Variants in ADD1 observed in about 807,000 individuals in gnomAD.
ADD1 encodes alpha-adducin.
In ADD1, 24 loss-of-function variants were observed where a neutral mutation model predicts 80.5. That is an observed-to-expected ratio of 0.30 (90% CI 0.22 to 0.42). The LOEUF is 0.42. Ranked by LOEUF, ADD1 falls within the 10% of genes least tolerant of loss-of-function variation. ADD1 has a pLI of 1.00. For missense variants in ADD1, 948 were observed against 1,019.0 expected (o/e 0.93, Z 0.95); for synonymous variants, 373 against 393.8 (o/e 0.95, Z 0.63).
chr4:2,905,376 T>A (rs1358524520), intron 10 of ADD1: 1 of 491,924 alleles, frequency 2.0e-6, no homozygotes, highest in African/African-American at 1.9e-5. Flanking sequence ...ATAATTTACA[T>A]GTATTAACCT....
chr4:2,908,849 G>A (rs1737509337), intron 12 of ADD1: 3 of 544,128 alleles, frequency 5.5e-6, no homozygotes, highest in East Asian at 6.4e-5. Flanking sequence ...GCATATGTGA[G>A]GGTGGCACAT....
chr4:2,909,968 CAAAA>C (rs35681850), intron 13 of ADD1, among the ~76,000 whole-genome samples: 1 of 119,786 alleles, frequency 8.3e-6, no homozygotes, highest in East Asian at 2.3e-4. Context: ...ATTTGTACCT[CAAAA>C]AAAAAAAAAA....
At chr4:2,909,199 C>T (rs34550139) in intron 12 of ADD1, 140 bp from the exon 13 acceptor site, 7,825 of 703,582 alleles carry the variant, frequency 0.011, 108 homozygotes, top group African/African-American at 0.046. Context: ...AGTGTCTGCA[C>T]GTCCTGCCAT....
At chr4:2,895,515 T>C (rs1310974881) in intron 6 of ADD1, among the ~76,000 whole-genome samples, 2 of 151,136 alleles carry the variant, frequency 1.3e-5, no homozygotes, top group African/African-American at 2.4e-5. Flanking sequence ...AAGGGAGAGG[T>C]TGAGGCCTAG....
Position 2,908,536 on chromosome 4 carries a change from G to A in ADD1, c.1630G>A (p.Asp544Asn). The A allele has an allele frequency of 6.2e-7, 1 of 1,614,236 alleles. No homozygotes were observed. Among genetic ancestry groups the A allele is most frequent in the Non-Finnish European group, 8.5e-7 (1 of 1,180,040 alleles). ...RNKIREQNLQDIKTAGPQSQV... is the reference protein window; with the variant it reads ...RNKIREQNLQNIKTAGPQSQV... Reference sequence around the variant, plus strand: ...TCAGATCCGAGAGCAGAATTTACAGGACATTAAGACGGCTGGCCCTCAGTC... The same window carrying A: ...TCAGATCCGAGAGCAGAATTTACAGAACATTAAGACGGCTGGCCCTCAGTC... Residue 544 changes from aspartate (D) to asparagine (N), a missense_variant, in exon 12 of 16, where the codon GAC becomes AAC. By Grantham distance (23) the Asp-to-Asn change is conservative. Coordinates refer to ENST00000683351, the MANE Select transcript of ADD1 (RefSeq NM_001354761.2).
rs1247312878 is a variant in ADD1 at position 2,868,308 on chromosome 4, T to C, written c.-20-7588T>C. Among the ~76,000 whole-genome samples, 5 of 152,280 alleles carry C rather than the reference T, an allele frequency of 3.3e-5. No homozygotes were observed. In the East Asian group the frequency reaches 9.7e-4, roughly 29 times the overall value. On this transcript the variant is annotated intron_variant, in intron 1 of 15. Transcript: ENST00000683351. Reference sequence around the variant, plus strand: ...TGGCTGGTGCTGCAGCCTTCCAGTATTGCAGGTTTCCAAGTGTTTGTAATG... The same window carrying C: ...TGGCTGGTGCTGCAGCCTTCCAGTACTGCAGGTTTCCAAGTGTTTGTAATG...
At chr4:2,902,918 C>T (rs1416511160) in intron 9 of ADD1, 3 of 151,508 alleles carry the variant, frequency 2.0e-5, no homozygotes, top group East Asian at 1.9e-4. Flanking sequence ...CCCAGCTATT[C>T]AGGAGGCTGA....
chr4:2,925,905 G>A (rs1473528863), intron 14 of ADD1, 109 bp from the exon 15 acceptor site: 1 of 819,354 alleles, frequency 1.2e-6, no homozygotes, highest in Non-Finnish European at 2.0e-6. Flanking sequence ...AGAGAGCCCT[G>A]CCTTCTCAGA....
Position 2,926,245 on chromosome 4 carries a change from C to G in ADD1, c.2047+133C>G. On this transcript the variant is annotated intron_variant, in intron 15 of 15. Coordinates refer to ENST00000683351, the MANE Select transcript of ADD1 (RefSeq NM_001354761.2). The surrounding 1 kb of genome is among the most constrained non-coding windows in gnomAD (Gnocchi z 5.0). ...TTGCATCAGCGCCAGGACGTGACAC[C>G]TTTCTCCTCCTATATTGCTTCTGTC... 1.3e-6 allele frequency: 1 copy of G among 797,878 alleles called. No individual in the cohort carries two copies. Among genetic ancestry groups the G allele is most frequent in the Non-Finnish European group, 2.2e-6 (1 of 459,742 alleles). The allele number at this position is 797,878 out of a possible 1,614,324, so 49.4% of individuals were successfully genotyped here. A position where few individuals can be genotyped will look rare whatever the true frequency, so the allele number is the denominator to read the frequency against.
At chr4:2,895,624 A>C (rs1355951652) in intron 6 of ADD1, among the ~76,000 whole-genome samples, 2 of 152,172 alleles carry the variant, frequency 1.3e-5, no homozygotes, top group East Asian at 3.9e-4. Flanking sequence ...AGACACAGGC[A>C]GTGCAGGCTG....
intron 1 of ADD1, among the ~76,000 whole-genome samples, chr4:2,860,677 T>C (rs1728709214): frequency 6.6e-6 from 1 of 152,244 alleles, no homozygotes; most frequent in Admixed American, 6.5e-5. Context: ...AGTTTTATTA[T>C]ACTAGGGGAG....
intron 14 of ADD1, among the ~76,000 whole-genome samples, chr4:2,918,003 C>T (rs1482408266): frequency 2.0e-5 from 3 of 152,094 alleles, no homozygotes; most frequent in Admixed American, 6.6e-5. Context: ...CTTGGCCATA[C>T]GGGCTCTTTT....
At position 2,851,936 on chromosome 4, in the gene ADD1, G is replaced by C. The variant is rs1031298702; in HGVS notation, c.-21+7912G>C. ...GGCTCACCGCAACCTCCGCCTCCCA[G>C]GTTCAAGCAATTCTACTTCAGCCTC... On this transcript the variant is annotated intron_variant, in intron 1 of 15. Transcript: ENST00000683351. 3.3e-5 allele frequency among the ~76,000 whole-genome samples: 5 copies of C among 152,042 alleles called. No homozygotes were observed. The East Asian group carries it at 9.6e-4, about 29-fold the overall frequency.
chr4:2,896,522 T>G (rs762551163), intron 6 of ADD1, among the ~76,000 whole-genome samples: 17 of 152,310 alleles, frequency 1.1e-4, no homozygotes, highest in Non-Finnish European at 4.4e-5. Context: ...TATTGATGTT[T>G]TAATGTCATG....
intron 1 of ADD1, among the ~76,000 whole-genome samples, chr4:2,861,249 A>T (rs988105441): frequency 1.1e-4 from 17 of 152,160 alleles, no homozygotes; most frequent in African/African-American, 3.9e-4. Context: ...AGGCCCCTGC[A>T]TATTGGGGTC....
chr4:2,866,795 C>T (rs1729622851), intron 1 of ADD1, among the ~76,000 whole-genome samples: 1 of 152,174 alleles, frequency 6.6e-6, no homozygotes, highest in African/African-American at 2.4e-5. Flanking sequence ...AAGCTTAAAA[C>T]TCTGAGCCAG....
intron 1 of ADD1, among the ~76,000 whole-genome samples, chr4:2,866,175 A>C (rs541701127): frequency 2.6e-5 from 4 of 152,196 alleles, no homozygotes; most frequent in African/African-American, 9.6e-5. Flanking sequence ...ATGTTATTTT[A>C]TTTTATTTTT....
intron 4 of ADD1, among the ~76,000 whole-genome samples, chr4:2,889,312 TCTATA>T (rs1486731110): frequency 6.6e-6 from 1 of 152,118 alleles, no homozygotes; most frequent in South Asian, 2.1e-4. Flanking sequence ...ATATGAGACT[TCTATA>T]CTATACATAA....
rs1039068982 is a variant in ADD1, at chr4:2,852,842, G to C, written c.-21+8818G>C. Among the ~76,000 whole-genome samples, 85 of 151,920 alleles carry C rather than the reference G, an allele frequency of 5.6e-4. 2 individuals are homozygous for C. Among genetic ancestry groups the C allele is most frequent in the African/African-American group, 1.9e-3 (78 of 41,456 alleles). On this transcript the variant is annotated intron_variant, in intron 1 of 15. Coordinates refer to ENST00000683351, the MANE Select transcript of ADD1 (RefSeq NM_001354761.2). ...AGCTTCCTGAGCAGCTGGGCCTGCA[G>C]ACCCACCCCACCACACCCAGCTAAC...
Sources: gnomAD v4.1 joint callset for allele counts (sites outside exome capture counted in the v4.1 genomes callset) on GRCh38, gnomAD v4.1.1 for gene constraint, Gnocchi (gnomAD v3.1) non-coding constraint, MANE v1.5 for transcripts, NCBI Gene and HGNC (gene_info 2026-07-23, HGNC 2026-07-21) for gene names.